TMEM80: variants seen among roughly 807,000 people sequenced by gnomAD.
TMEM80 encodes transmembrane protein 80.
TMEM80 carries 16 observed loss-of-function variants against 13.6 expected under a neutral mutation model. The ratio of observed to expected loss-of-function variants is 1.17; its 90% CI spans 0.79 to 1.78. TMEM80 has a LOEUF of 1.78. Among genes scored for constraint, TMEM80 ranks in the 40% most tolerant of loss-of-function variants. The pLI, the probability that TMEM80 is intolerant of heterozygous loss-of-function variation, is 0.00. For synonymous variants in TMEM80, 92 were observed against 89.5 expected (o/e 1.03, Z -0.16); for missense variants, 167 against 184.6 (o/e 0.90, Z 0.55).
intron 1 of TMEM80, 134 bp downstream of exon 1, chr11:695,980 C>T: frequency 2.7e-6 from 2 of 730,154 alleles, no homozygotes; most frequent in Non-Finnish European, 3.8e-6. Context: ...GAGACAGCTC[C>T]GTCACCCCAT....
Position 703,888 on chromosome 11 carries a change from C to T in TMEM80, c.*738C>T. On this transcript the variant is annotated 3_prime_UTR_variant, in exon 5 of 5. Coordinates refer to ENST00000397510, the MANE Select transcript of TMEM80 (RefSeq NM_001042463.3). ...GGGCCACATTCGGAGCCTCCGTCCA[C>T]TCCAGTTTTATCAGCTTTTGCCTTT... The T allele has an allele frequency of 8.1e-7, 1 of 1,240,712 alleles. No homozygotes were observed. Among genetic ancestry groups the T allele is most frequent in the Non-Finnish European group, 1.0e-6 (1 of 994,004 alleles). The allele number at this position is 1,240,712 out of a possible 1,614,324, so 76.9% of individuals were successfully genotyped here.
intron 4 of TMEM80, among the ~76,000 whole-genome samples, chr11:701,599 TG>T (rs1340438903): frequency 6.6e-6 from 1 of 151,658 alleles, no homozygotes; most frequent in Non-Finnish European, 1.5e-5. Flanking sequence ...TTAGTAGAGA[TG>T]GGGTTTCACC....
chr11:695,895 G>A, intron 1 of TMEM80, 49 bp downstream of exon 1: 1 of 1,209,516 alleles, frequency 8.3e-7, no homozygotes, highest in Non-Finnish European at 1.0e-6. Context: ...GGCGGGCGCG[G>A]CGTTTCCCTG....
Position 703,544 on chromosome 11 carries a change from C to T in TMEM80, c.*394C>T. The T allele has an allele frequency of 8.1e-7, 1 of 1,234,218 alleles. No individual in the cohort carries two copies. Among genetic ancestry groups the T allele is most frequent in the Non-Finnish European group, 1.0e-6 (1 of 989,728 alleles). 76.5% of individuals were successfully genotyped at this position (1,234,218 alleles called of 1,614,324 possible). Reference sequence around the variant, plus strand: ...CTCATCTCACTGCATCCCCCATCACCCCCTAGTTCCCCAATGGTCCTAATT... The same window carrying T: ...CTCATCTCACTGCATCCCCCATCACTCCCTAGTTCCCCAATGGTCCTAATT... On this transcript the variant is annotated 3_prime_UTR_variant, in exon 5 of 5. Coordinates refer to ENST00000397510, the MANE Select transcript of TMEM80 (RefSeq NM_001042463.3).
rs756270000 is a variant in TMEM80, at chr11:700,198, G to A, written c.96G>A (p.Leu32=). ...ATCTCAGCGGAACGTACTACGCCCT[G>A]TATTTCCTCGCCACGCTCCTGATGA... ...LFYLSGTYYA[L]YFLATLLMIT... The change falls in exon 3 of 5, where the codon CTG becomes CTA. Residue 32 remains leucine (L), a synonymous_variant. Transcript: ENST00000397510. 1.2e-6 allele frequency: 2 copies of A among 1,613,974 alleles called. No individual in the cohort carries two copies. Among genetic ancestry groups the A allele is most frequent in the African/African-American group, 2.7e-5 (2 of 74,916 alleles).
chr11:703,989 A>T lies in TMEM80; in HGVS notation c.*839A>T. ...GATTTACTATCAGTTCTCCTTAAAA[A>T]GTATCTAAGCTGTTACAGTAGCTTT... On this transcript the variant is annotated 3_prime_UTR_variant, in exon 5 of 5. Coordinates refer to ENST00000397510, the MANE Select transcript of TMEM80 (RefSeq NM_001042463.3). 8.2e-7 allele frequency: 1 copy of T among 1,222,664 alleles called. No homozygotes were observed. The highest frequency in any genetic ancestry group is 3.9e-5 in the South Asian group (1 of 25,508). The allele number at this position is 1,222,664 out of a possible 1,614,324, so 75.7% of individuals were successfully genotyped here.
chr11:697,931 G>T (rs1226855126), intron 1 of TMEM80: 1 of 152,212 alleles, frequency 6.6e-6, no homozygotes, highest in Non-Finnish European at 1.5e-5. Flanking sequence ...CCCCAGATCT[G>T]CCCAAGAAGC....
chr11:696,948 G>A (rs1461185390), intron 1 of TMEM80, among the ~76,000 whole-genome samples: 1 of 149,526 alleles, frequency 6.7e-6, no homozygotes, highest in African/African-American at 2.5e-5. Flanking sequence ...GCGTGATGGT[G>A]CATGCCTGTA....
At chr11:699,210 T>C in intron 2 of TMEM80, 1 of 430,378 alleles carries the variant, frequency 2.3e-6, no homozygotes, top group Non-Finnish European at 4.2e-6. Flanking sequence ...CTAGATTCAT[T>C]TTATTTTATT....
intron 4 of TMEM80, chr11:701,030 G>A (rs888125792): frequency 1.2e-5 from 5 of 411,430 alleles, no homozygotes; most frequent in South Asian, 2.4e-5. Flanking sequence ...ATATTCACCA[G>A]CACCCCTTTC....
rs1861616093 is a variant in TMEM80 at position 704,020 on chromosome 11, C to T, written c.*870C>T. 12 of 1,199,326 alleles carry T rather than the reference C, an allele frequency of 1.0e-5. No homozygotes were observed. The East Asian group carries it at 1.5e-4, about 15-fold the overall frequency. The allele number at this position is 1,199,326 out of a possible 1,614,324, so 74.3% of individuals were successfully genotyped here. ...TAAGCTGTTACAGTAGCTTTCCCTT[C>T]ACTTGATTCTATTGTGTGTTTTCTA... is the stretch of plus-strand genomic sequence containing the variant. On this transcript the variant is annotated 3_prime_UTR_variant, in exon 5 of 5. Coordinates refer to ENST00000397510, the MANE Select transcript of TMEM80 (RefSeq NM_001042463.3).
Position 703,132 on chromosome 11 carries a change from C to G in TMEM80, c.414C>G (p.Ile138Met). The G allele has an allele frequency of 6.2e-7, 1 of 1,608,482 alleles. No individual in the cohort carries two copies. The highest frequency in any genetic ancestry group is 8.5e-7 in the Non-Finnish European group (1 of 1,176,816). Residue 138 changes from isoleucine (I) to methionine (M), a missense_variant, in exon 5 of 5, where the codon ATC becomes ATG. Coordinates refer to ENST00000397510, the MANE Select transcript of TMEM80 (RefSeq NM_001042463.3). Reference sequence around the variant, plus strand: ...AGGCCGTCCTGCAGGTGGTTGCCATCGCGGCCTTCACCAGGTAGCTACGGA... The same window carrying G: ...AGGCCGTCCTGCAGGTGGTTGCCATGGCGGCCTTCACCAGGTAGCTACGGA... The part of the protein sequence containing the change: ...GLEAVLQVVA[I>M]AAFTR
chr11:704,060 AC>A lies in TMEM80; in HGVS notation c.*911del. ...TGTGTTTTCTATGTTTGGAATAATT[AC>A]ACCCAAATATCTAGATATTTTCTCT... On this transcript the variant is annotated 3_prime_UTR_variant, in exon 5 of 5. Transcript: ENST00000397510. The A allele has an allele frequency of 8.7e-7, 1 of 1,145,318 alleles. No homozygotes were observed. Among genetic ancestry groups the A allele is most frequent in the Non-Finnish European group, 1.1e-6 (1 of 930,640 alleles). The allele number at this position is 1,145,318 out of a possible 1,614,324, so 70.9% of individuals were successfully genotyped here.
chr11:696,925 C>T (rs983991787), intron 1 of TMEM80, among the ~76,000 whole-genome samples: 13 of 149,886 alleles, frequency 8.7e-5, no homozygotes, highest in African/African-American at 3.2e-4. Context: ...ACTAAAAATA[C>T]AAAATTAGCC....
intron 3 of TMEM80, 118 bp downstream of exon 3, chr11:700,353 C>T (rs1284579064): frequency 1.7e-5 from 16 of 945,684 alleles, no homozygotes; most frequent in Non-Finnish European, 2.6e-5. Flanking sequence ...ATGGGGAAAC[C>T]CCATCTCTAC....
chr11:704,334 G>A (rs1274144349), downstream of TMEM80: 1 of 799,848 alleles, frequency 1.3e-6, no homozygotes, highest in East Asian at 6.3e-5. Context: ...CGGCTGGGGT[G>A]GCTGTGGCTG....
chr11:703,475 C>T lies in TMEM80; in HGVS notation c.*325C>T. 3 of 1,257,430 alleles carry T rather than the reference C, an allele frequency of 2.4e-6. No homozygotes were observed. Among genetic ancestry groups the T allele is most frequent in the Non-Finnish European group, 3.0e-6 (3 of 1,003,112 alleles). The allele number at this position is 1,257,430 out of a possible 1,614,324, so 77.9% of individuals were successfully genotyped here. A position where few individuals can be genotyped will look rare whatever the true frequency, so the allele number is the denominator to read the frequency against. On this transcript the variant is annotated 3_prime_UTR_variant, in exon 5 of 5. Transcript: ENST00000397510. ...CCAGGCCTCCACAGACCCCCATGGGCCCCCAGGGCCGAGAGGGAGGACAGA... is the reference window on the plus strand; with the variant it reads ...CCAGGCCTCCACAGACCCCCATGGGTCCCCAGGGCCGAGAGGGAGGACAGA...
intron 1 of TMEM80, chr11:698,010 A>C (rs1861277383): frequency 6.6e-6 from 1 of 152,264 alleles, no homozygotes; most frequent in Admixed American, 6.5e-5. Context: ...CTGAAGGGGA[A>C]ATAGAACAGA....
downstream of TMEM80, chr11:704,155 C>CA (rs1392644116): frequency 9.0e-7 from 1 of 1,107,178 alleles, no homozygotes; most frequent in African/African-American, 1.6e-5. Context: ...CCACCTCCCC[C>CA]ACCCCATCTC....
Sources: gnomAD v4.1 joint callset for allele counts (sites outside exome capture counted in the v4.1 genomes callset) on GRCh38, gnomAD v4.1.1 for gene constraint, MANE v1.5 for transcripts, NCBI Gene and HGNC (gene_info 2026-07-23, HGNC 2026-07-21) for gene names.